The following CSMD3 variants were observed in gnomAD, a reference collection of about 807,000 sequenced individuals.
The protein encoded by CSMD3 is CUB and sushi domain-containing protein 3.
CSMD3 carries 177 observed loss-of-function variants against 435.2 expected under a neutral mutation model. The observed-to-expected ratio is 0.41, with a 90% CI of 0.36 to 0.46. The LOEUF (loss-of-function observed/expected upper bound fraction) is 0.46, where lower values mean the gene tolerates loss of function less well. Ranked by LOEUF, CSMD3 falls within the 20% of genes least tolerant of loss-of-function variation. The pLI, the probability that CSMD3 is intolerant of heterozygous loss-of-function variation, is 0.34. For missense variants in CSMD3, 4,265 were observed against 4,504.6 expected (o/e 0.95, Z 1.52); for synonymous variants, 1,656 against 1,520.5 (o/e 1.09, Z -2.07).
intron 12 of CSMD3, among the ~76,000 whole-genome samples, chr8:112,825,267 G>A (rs1247639438): frequency 6.6e-6 from 1 of 152,092 alleles, no homozygotes; most frequent in Non-Finnish European, 1.5e-5. Context: ...CTTTAGCTCA[G>A]CAGTTTGTTA....
chr8:112,338,301 G>A (rs1454900065), intron 42 of CSMD3, among the ~76,000 whole-genome samples: 1 of 152,158 alleles, frequency 6.6e-6, no homozygotes, highest in Non-Finnish European at 1.5e-5. Context: ...TTTGGGCAAT[G>A]CAGTATAATT....
chr8:113,023,396 G>GTC (rs150095576), intron 5 of CSMD3, among the ~76,000 whole-genome samples: 9 of 150,988 alleles, frequency 6.0e-5, no homozygotes, highest in Admixed American at 4.6e-4. Flanking sequence ...AATTTTACTT[G>GTC]TCTCTCTCTC....
At chr8:113,269,490 C>T (rs2093501201) in intron 3 of CSMD3, among the ~76,000 whole-genome samples, 2 of 152,044 alleles carry the variant, frequency 1.3e-5, no homozygotes, top group Non-Finnish European at 2.9e-5. Flanking sequence ...AAAAAAGAGC[C>T]CTCATCACCA....
At chr8:113,033,577 T>TC (rs1417443525) in intron 5 of CSMD3, among the ~76,000 whole-genome samples, 1 of 151,212 alleles carries the variant, frequency 6.6e-6, no homozygotes, top group Non-Finnish European at 1.5e-5. Flanking sequence ...TGATTTTTTT[T>TC]TTTTTTTTTG....
intron 28 of CSMD3, among the ~76,000 whole-genome samples, chr8:112,507,032 T>A (rs909312144): frequency 4.6e-5 from 7 of 152,120 alleles, no homozygotes; most frequent in African/African-American, 1.7e-4. Context: ...CATGGATACA[T>A]AAAATTTAGC....
At chr8:112,481,776 A>G (rs1819641628) in intron 31 of CSMD3, among the ~76,000 whole-genome samples, 1 of 152,154 alleles carries the variant, frequency 6.6e-6, no homozygotes, top group African/African-American at 2.4e-5. Context: ...GACAGCTACT[A>G]TTACCAGTAT....
At chr8:112,826,204 C>T (rs1318487471) in intron 12 of CSMD3, among the ~76,000 whole-genome samples, 5 of 152,186 alleles carry the variant, frequency 3.3e-5, no homozygotes, top group South Asian at 2.1e-4. Flanking sequence ...AGAAGAAAAG[C>T]GTGGCCTGGA....
At chr8:113,358,669 T>G (rs2094250319) in intron 1 of CSMD3, among the ~76,000 whole-genome samples, 1 of 152,102 alleles carries the variant, frequency 6.6e-6, no homozygotes, top group Admixed American at 6.5e-5. Context: ...AAAGAGAAAC[T>G]GTTAGAAGGT....
chr8:112,432,382 CA>C (rs1363918165), intron 32 of CSMD3, among the ~76,000 whole-genome samples: 1 of 152,120 alleles, frequency 6.6e-6, no homozygotes, highest in African/African-American at 2.4e-5. Flanking sequence ...TATCTCACTG[CA>C]GCTTTGAATG....
At chr8:113,099,102 A>T (rs1164671133) in intron 4 of CSMD3, 139 bp from the exon 5 acceptor site, 8 of 653,418 alleles carry the variant, frequency 1.2e-5, no homozygotes, top group Admixed American at 2.4e-5. Context: ...ACTAATAGAG[A>T]TTAAATAAAA....
chr8:113,229,312 A>G (rs561367401), intron 3 of CSMD3, among the ~76,000 whole-genome samples: 9 of 151,524 alleles, frequency 5.9e-5, no homozygotes, highest in African/African-American at 2.2e-4. Context: ...TTGAAGGGAT[A>G]TTTCTTGTTG....
chr8:112,357,662 G>C (rs1826761448), intron 38 of CSMD3, among the ~76,000 whole-genome samples: 1 of 152,072 alleles, frequency 6.6e-6, no homozygotes, highest in Admixed American at 6.6e-5. Flanking sequence ...GGGACTTGAT[G>C]ACCTTCATCC....
chr8:113,146,276 G>A (rs1233308494), intron 4 of CSMD3, among the ~76,000 whole-genome samples: 1 of 151,434 alleles, frequency 6.6e-6, no homozygotes, highest in Non-Finnish European at 1.5e-5. Context: ...GTAACCACAT[G>A]CTTCATGGGG....
chr8:112,599,446 T>C (rs1419620095), intron 22 of CSMD3, among the ~76,000 whole-genome samples: 4 of 149,732 alleles, frequency 2.7e-5, no homozygotes, highest in African/African-American at 9.8e-5. Flanking sequence ...TCAACCATTG[T>C]GGAAGTCAGT....
chr8:112,888,380 G>A (rs2081672800), intron 10 of CSMD3, among the ~76,000 whole-genome samples: 1 of 151,638 alleles, frequency 6.6e-6, no homozygotes. Flanking sequence ...AGTGCTAGGA[G>A]GCCCCACAAA....
In CSMD3 at chr8:113,199,749, T is replaced by C. The variant is rs527877432; in HGVS notation, c.515-25833A>G. Reference sequence around the variant, plus strand: ...TGAATGATTTTTTCCCATTACACTATGCTGCATTTCATCACTATGGAAATT... The same window carrying C: ...TGAATGATTTTTTCCCATTACACTACGCTGCATTTCATCACTATGGAAATT... On this transcript the variant is annotated intron_variant, in intron 3 of 70. Transcript: ENST00000297405. 4.0e-5 allele frequency among the ~76,000 whole-genome samples: 6 copies of C among 151,880 alleles called. No individual in the cohort carries two copies. The East Asian group carries it at 1.2e-3, about 30-fold the overall frequency.
At chr8:113,121,817 T>C (rs1470952245) in intron 4 of CSMD3, among the ~76,000 whole-genome samples, 1 of 152,142 alleles carries the variant, frequency 6.6e-6, no homozygotes, top group Admixed American at 6.6e-5. Flanking sequence ...TCAAAAGAAT[T>C]ATAACTAAAG....
intron 1 of CSMD3, among the ~76,000 whole-genome samples, chr8:113,326,303 G>T (rs939729602): frequency 1.3e-5 from 2 of 151,998 alleles, no homozygotes; most frequent in African/African-American, 4.8e-5. Context: ...ATGCCATCTT[G>T]TCTTTTTAAA....
At position 112,600,030 on chromosome 8, in the gene CSMD3, A is replaced by AT. The variant is rs1359676925; in HGVS notation, c.3716-12796_3716-12795insA. Among the ~76,000 whole-genome samples, 4 of 152,050 alleles carry AT rather than the reference A, an allele frequency of 2.6e-5. No individual in the cohort carries two copies. In the East Asian group the frequency reaches 5.8e-4, roughly 22 times the overall value. ...AACTTAAAGTATATATATAAAAAAA[A>AT]GGAATAGTACAGAGGTGGAGGGTGA... On this transcript the variant is annotated intron_variant, in intron 22 of 70. Transcript: ENST00000297405.
Sources: gnomAD v4.1 joint callset for allele counts (sites outside exome capture counted in the v4.1 genomes callset) on GRCh38, gnomAD v4.1.1 for gene constraint, MANE v1.5 for transcripts, NCBI Gene and HGNC (gene_info 2026-07-23, HGNC 2026-07-21) for gene names.